HR: variants seen among roughly 807,000 people sequenced by gnomAD.
HR encodes the protein HR lysine demethylase and nuclear receptor corepressor.
HR carries 83 observed loss-of-function variants against 128.6 expected under a neutral mutation model. The observed-to-expected ratio is 0.65, with a 90% CI of 0.54 to 0.77. The LOEUF is 0.77. Among genes scored for constraint, HR ranks in the 30% least tolerant of loss-of-function variants. The probability of loss-of-function intolerance (pLI) is 0.00; values close to 1 mark genes in which losing one functional copy is unlikely to be tolerated. For synonymous variants in HR, 681 were observed against 658.2 expected (o/e 1.03, Z -0.53); for missense variants, 1,490 against 1,574.6 (o/e 0.95, Z 0.91).
chr8:22,121,064 C>T lies in HR; in HGVS notation c.2367+1G>A, dbSNP rs370033127. On this transcript the variant is annotated splice_donor_variant, in intron 10 of 18. Coordinates refer to ENST00000381418, the MANE Select transcript of HR (RefSeq NM_005144.5). LOFTEE classifies it high-confidence loss of function. Reference sequence around the variant, plus strand: ...AGCCCTCCCTCCGTGCCCTCACTCACACTGGGCAGGGCCGGAGTGACGGGG... The same window carrying T: ...AGCCCTCCCTCCGTGCCCTCACTCATACTGGGCAGGGCCGGAGTGACGGGG... The T allele has an allele frequency of 2.3e-5, 37 of 1,613,506 alleles. No homozygotes were observed. The highest frequency in any genetic ancestry group is 1.0e-5 in the Non-Finnish European group (12 of 1,180,022).
intron 12 of HR, 49 bp downstream of exon 12, chr8:22,120,293 C>CT (rs573591866): frequency 6.2e-7 from 1 of 1,613,506 alleles, no homozygotes; most frequent in South Asian, 1.1e-5. Context: ...CACCCGATCC[C>CT]TAGGGCTTGG....
intron 6 of HR, among the ~76,000 whole-genome samples, chr8:22,123,264 T>C (rs1826800686): frequency 6.6e-6 from 1 of 152,220 alleles, no homozygotes. Context: ...GACCTGAGTC[T>C]AAGTCCTGGC....
rs1310928471 is a variant in HR, at chr8:22,118,604, A to G, written c.3213+346T>C. 3 of 339,916 alleles carry G rather than the reference A, an allele frequency of 8.8e-6. No homozygotes were observed. The South Asian group carries it at 1.0e-4, about 12-fold the overall frequency. The allele number at this position is 339,916 out of a possible 1,614,324, so 21.1% of individuals were successfully genotyped here. A position where few individuals can be genotyped will look rare whatever the true frequency, so the allele number is the denominator to read the frequency against. On this transcript the variant is annotated intron_variant, in intron 16 of 18. Coordinates refer to ENST00000381418, the MANE Select transcript of HR (RefSeq NM_005144.5). Reference sequence around the variant, plus strand: ...TGAGCTTCGGTGTTCTCATCTGCCAATGGGAAAGGAGCAGTGCCTGCCTCA... The same window carrying G: ...TGAGCTTCGGTGTTCTCATCTGCCAGTGGGAAAGGAGCAGTGCCTGCCTCA...
chr8:22,118,780 T>C, intron 16 of HR, 170 bp downstream of exon 16: 1 of 624,344 alleles, frequency 1.6e-6, no homozygotes, highest in Non-Finnish European at 2.8e-6. Flanking sequence ...ACGGCAGAAC[T>C]CCGGGTCCCC....
At position 22,115,669 on chromosome 8, in the gene HR, C is replaced by A. The variant is rs1826567396; in HGVS notation, c.*31G>T. The A allele has an allele frequency of 5.6e-6, 9 of 1,607,170 alleles. No homozygotes were observed. Among genetic ancestry groups the A allele is most frequent in the Non-Finnish European group, 7.7e-6 (9 of 1,173,868 alleles). On this transcript the variant is annotated 3_prime_UTR_variant, in exon 19 of 19. Transcript: ENST00000381418. Reference sequence around the variant, plus strand: ...GGGCTGAGCACCTGGTCTACCTGTCCCCACCCCGATCCCAGACACCTAGCA... The same window carrying A: ...GGGCTGAGCACCTGGTCTACCTGTCACCACCCCGATCCCAGACACCTAGCA...
In HR at chr8:22,127,059, C is replaced by A. The variant is rs149637669; in HGVS notation, c.1383G>T (p.Ser461=). ...TACCTTTCTGCTCATCATGCTGTCC[C>A]GAGTCCACATCCTTGTTCCCTATCG... ...DTSIGNKDVD[S]GQHDEQKGPQ... Residue 461 remains serine, a synonymous_variant, in exon 3 of 19, where the codon TCG becomes TCT. Coordinates refer to ENST00000381418, the MANE Select transcript of HR (RefSeq NM_005144.5). The A allele has an allele frequency of 5.6e-6, 9 of 1,612,388 alleles. No individual in the cohort carries two copies. Among genetic ancestry groups the A allele is most frequent in the Non-Finnish European group, 7.6e-6 (9 of 1,179,716 alleles).
In HR at chr8:22,120,049, C is replaced by A. The variant is rs1379045514; in HGVS notation, c.2846+55G>T. On this transcript the variant is annotated intron_variant, in intron 13 of 18. Coordinates refer to ENST00000381418, the MANE Select transcript of HR (RefSeq NM_005144.5). ...GCAGAGGAGGAGGGGAGGGCTGAAC[C>A]AGGCGGGGCCTGCGGTGGCGGGGAG... 23 of 1,566,018 alleles carry A rather than the reference C, an allele frequency of 1.5e-5. No individual in the cohort carries two copies. In the East Asian group the frequency reaches 5.4e-4, roughly 36 times the overall value.
intron 18 of HR, 23 bp from the exon 19 acceptor site, chr8:22,115,785 A>G: frequency 6.2e-7 from 1 of 1,612,736 alleles, no homozygotes; most frequent in Non-Finnish European, 8.5e-7. Flanking sequence ...GAGAGGACAA[A>G]GCATTTTCAA....
chr8:22,121,316 C>T, intron 9 of HR, 88 bp from the exon 10 acceptor site: 1 of 1,521,958 alleles, frequency 6.6e-7, no homozygotes, highest in Admixed American at 1.8e-5. Context: ...TCTTCCCTCT[C>T]TTCCTGGCTG....
Position 22,125,417 on chromosome 8 carries a change from G to C in HR, c.1644C>G (p.Ser548Arg), listed in dbSNP as rs1371950560. 1.2e-6 allele frequency: 2 copies of C among 1,612,694 alleles called. No homozygotes were observed. The highest frequency in any genetic ancestry group is 1.7e-6 in the Non-Finnish European group (2 of 1,179,882). The change falls in exon 5 of 19, where the codon AGC becomes AGG. Residue 548 changes from serine (S) to arginine (R), a missense_variant. Physicochemically the swap from Ser to Arg is moderately radical, Grantham distance 110 (BLOSUM62 -1). Coordinates refer to ENST00000381418, the MANE Select transcript of HR (RefSeq NM_005144.5). ...SEEGPGSGPD[S>R]RLSTGLAKHL... ...GCTTGGCGAGGCCTGTGCTGAGCCG[G>C]CTGTCAGGGCCGGACCCTGGGCCTT...
rs1362827733 is a variant in HR at position 22,120,821 on chromosome 8, C to T, written c.2505G>A (p.Val835=). The stretch of plus-strand genomic sequence containing the variant: ...CCCCTGGGGGAGGCAGCCGGGGCCG[C>T]ACTGGAGAGAGGGGCAGGCCCAGGC... ...RKGLGLPLSP[V]RPRLPPPGAL... Residue 835 remains valine (V), a synonymous_variant, in exon 11 of 19, where the codon GTG becomes GTA. Coordinates refer to ENST00000381418, the MANE Select transcript of HR (RefSeq NM_005144.5). 3.9e-6 allele frequency: 6 copies of T among 1,550,808 alleles called. No homozygotes were observed. The African/African-American group carries it at 8.2e-5, about 21-fold the overall frequency.
chr8:22,124,967 G>A (rs1251168092), intron 5 of HR, among the ~76,000 whole-genome samples: 1 of 152,170 alleles, frequency 6.6e-6, no homozygotes, highest in Non-Finnish European at 1.5e-5. Context: ...TGCTGCGGAA[G>A]GGCGACCGAA....
intron 16 of HR, 53 bp downstream of exon 16, chr8:22,118,897 G>A (rs938917160): frequency 3.5e-5 from 53 of 1,499,832 alleles, no homozygotes; most frequent in South Asian, 2.3e-5. Context: ...GGGACTGGAC[G>A]AGCTTCTAGG....
Position 22,119,235 on chromosome 8 carries a change from T to C in HR, c.3026A>G (p.Glu1009Gly). 6.2e-7 allele frequency: 1 copy of C among 1,613,790 alleles called. No homozygotes were observed. Among genetic ancestry groups the C allele is most frequent in the Non-Finnish European group, 8.5e-7 (1 of 1,180,018 alleles). Reference sequence around the variant, plus strand: ...CAGGATGCTGACCAGGTCGGCCACCTCCACACAGAGGTTCTTGGTCCCCAG... The same window carrying C: ...CAGGATGCTGACCAGGTCGGCCACCCCCACACAGAGGTTCTTGGTCCCCAG... ...GHLGTKNLCV[E>G]VADLVSILVH... The change falls in exon 15 of 19, where the codon GAG becomes GGG. Residue 1009 changes from glutamate (E) to glycine (G), a missense_variant. Physicochemically the swap from Glu to Gly is moderately conservative, Grantham distance 98. Around this residue, in one of 3 missense-constraint regions of HR, gnomAD observed 423 missense variants for 495.9 expected, o/e 0.85. Coordinates refer to ENST00000381418, the MANE Select transcript of HR (RefSeq NM_005144.5).
rs780541686 is a variant in HR at position 22,115,750 on chromosome 8, C to T, written c.3520G>A (p.Val1174Met). ...ACGGCCACCTTCACTGCTTGGAACA[C>T]AGCCCAGTCCATCTAGGAAAAAGAG... ...HLLYAQMDWA[V>M]FQAVKVAVGT... Residue 1174 changes from valine (V) to methionine (M), a missense_variant, in exon 19 of 19, where the codon GTG becomes ATG. Physicochemically the swap from Val to Met is conservative, Grantham distance 21. Around this residue, in one of 3 missense-constraint regions of HR, gnomAD observed 423 missense variants for 495.9 expected, o/e 0.85. Coordinates refer to ENST00000381418, the MANE Select transcript of HR (RefSeq NM_005144.5). The T allele has an allele frequency of 6.2e-7, 1 of 1,614,024 alleles. No homozygotes were observed. Among genetic ancestry groups the T allele is most frequent in the Non-Finnish European group, 8.5e-7 (1 of 1,180,000 alleles).
Position 22,128,605 on chromosome 8 carries a change from G to A in HR, c.566C>T (p.Ser189Phe). The A allele has an allele frequency of 6.2e-7, 1 of 1,608,490 alleles. No homozygotes were observed. Among genetic ancestry groups the A allele is most frequent in the Non-Finnish European group, 8.5e-7 (1 of 1,178,288 alleles). Residue 189 changes from serine (S) to phenylalanine (F), a missense_variant, in exon 2 of 19, where the codon TCC becomes TTC. Ser to Phe is a radical substitution (Grantham distance 155). Coordinates refer to ENST00000381418, the MANE Select transcript of HR (RefSeq NM_005144.5). ...AGAGGGCACTTTGGGCTGGCCCCCG[G>A]AGTATACCCAGGGGTGCGGGGTCAG... is the stretch of plus-strand genomic sequence containing the variant. ...WPLTPHPWVY[S>F]GGQPKVPSAF...
chr8:22,127,873 C>T, intron 2 of HR, 44 bp from the exon 3 acceptor site: 1 of 1,571,662 alleles, frequency 6.4e-7, no homozygotes, highest in Non-Finnish European at 8.7e-7. Context: ...ACTTGGGCTC[C>T]CCATGCCTAA....
chr8:22,116,277 C>T lies in HR; in HGVS notation c.3507+23G>A, dbSNP rs377760573. ...GGGAGGCTTGGGTAGCACACCCAGCCTGCTGGCCCACATCCCACTCACCTG... is the reference window on the plus strand; with the variant it reads ...GGGAGGCTTGGGTAGCACACCCAGCTTGCTGGCCCACATCCCACTCACCTG... On this transcript the variant is annotated intron_variant, in intron 18 of 18. Transcript: ENST00000381418. The surrounding 1 kb of genome is among the most constrained non-coding windows in gnomAD (Gnocchi z 4.2). 7.8e-5 allele frequency: 125 copies of T among 1,611,622 alleles called. 1 individual carries two copies. The African/African-American group carries it at 1.3e-3, about 17-fold the overall frequency.
chr8:22,121,496 T>C, intron 9 of HR, 117 bp downstream of exon 9: 3 of 1,062,926 alleles, frequency 2.8e-6, no homozygotes, highest in Non-Finnish European at 4.3e-6. Context: ...TGGAGATTAT[T>C]GGGGGTGGGG....
Sources: allele counts gnomAD v4.1 joint callset (sites outside exome capture counted in the v4.1 genomes callset), GRCh38; gene constraint gnomAD v4.1.1; regional missense constraint gnomAD v4.1.1; non-coding constraint Gnocchi (gnomAD v3.1); transcripts MANE v1.5; gene names NCBI Gene and HGNC (gene_info 2026-07-23, HGNC 2026-07-21).